Variants in MAPK6 observed in about 807,000 individuals in gnomAD.
MAPK6 encodes ERK-3.
Under a neutral mutation model 59.3 loss-of-function variants are expected in MAPK6, and 19 were observed. The observed-to-expected ratio is 0.32, with a 90% CI of 0.22 to 0.47. MAPK6 has a LOEUF of 0.47. Ranked by LOEUF, MAPK6 falls within the 20% of genes least tolerant of loss-of-function variation. The pLI, the probability that MAPK6 is intolerant of heterozygous loss-of-function variation, is 1.00. For missense variants in MAPK6, 724 were observed against 847.9 expected (o/e 0.85, Z 1.81); for synonymous variants, 316 against 290.3 (o/e 1.09, Z -0.90).
chr15:52,065,710 A>T lies in MAPK6; in HGVS notation c.*710A>T, dbSNP rs1041361374. 3 of 149,700 alleles carry T rather than the reference A, an allele frequency of 2.0e-5. No individual in the cohort carries two copies. Among genetic ancestry groups the T allele is most frequent in the Non-Finnish European group, 4.4e-5 (3 of 67,422 alleles). The allele number at this position is 149,700 out of a possible 1,614,324, so 9.3% of individuals were successfully genotyped here. The stretch of plus-strand genomic sequence containing the variant: ...TATTTTCTGTATTTAATTATAAAAA[A>T]TTAACTTAGTTTTTAAAATTTATTT... On this transcript the variant is annotated 3_prime_UTR_variant, in exon 6 of 6. Transcript: ENST00000261845.
intron 3 of MAPK6, among the ~76,000 whole-genome samples, chr15:52,011,743 G>A (rs926152324): frequency 3.3e-5 from 5 of 152,306 alleles, no homozygotes; most frequent in Non-Finnish European, 5.9e-5. Context: ...CACAAATAAT[G>A]AGAATCCACT....
chr15:52,045,047 C>T (rs2031556518), intron 1 of MAPK6, among the ~76,000 whole-genome samples: 1 of 141,214 alleles, frequency 7.1e-6, no homozygotes, highest in African/African-American at 2.7e-5. Context: ...TTCTAATTTT[C>T]TTTACCAAAA....
intron 3 of MAPK6, among the ~76,000 whole-genome samples, chr15:52,057,694 G>A (rs1374761464): frequency 6.6e-6 from 1 of 152,108 alleles, no homozygotes; most frequent in Non-Finnish European, 1.5e-5. Flanking sequence ...ATAGGCATGC[G>A]CCTTGCCTGG....
chr15:52,038,467 T>A (rs2031313095), intron 1 of MAPK6, among the ~76,000 whole-genome samples: 2 of 152,206 alleles, frequency 1.3e-5, no homozygotes. Flanking sequence ...AGTCTTACTT[T>A]TCTCTGCTAC....
Position 52,066,406 on chromosome 15 carries a change from T to A in MAPK6, c.*1406T>A, listed in dbSNP as rs529063224. 4 of 152,322 alleles carry A rather than the reference T, an allele frequency of 2.6e-5. No homozygotes were observed. In the South Asian group the frequency reaches 6.2e-4, roughly 24 times the overall value. 9.4% of individuals were successfully genotyped at this position (152,322 alleles called of 1,614,324 possible). A position where few individuals can be genotyped will look rare whatever the true frequency, so the allele number is the denominator to read the frequency against. On this transcript the variant is annotated 3_prime_UTR_variant, in exon 6 of 6. Transcript: ENST00000261845. ...TCTTTTGACTTAAACCATCACATAT[T>A]AGAATGGAATAAAGCTTTATAATAT...
chr15:52,031,189 T>C (rs1459943950), intron 1 of MAPK6, among the ~76,000 whole-genome samples: 1 of 152,086 alleles, frequency 6.6e-6, no homozygotes, highest in African/African-American at 2.4e-5. Context: ...CACCTTGTCC[T>C]CCCAATGTGC....
upstream of MAPK6, among the ~76,000 whole-genome samples, chr15:52,016,070 G>GCACACACACACACACACACACACA (rs1175427042): frequency 1.8e-5 from 1 of 55,390 alleles, no homozygotes; most frequent in Non-Finnish European, 3.4e-5. Flanking sequence ...GCGCGCGCGC[G>GCACACACACACACACACACACACA]CACACACACA....
intron 2 of MAPK6, among the ~76,000 whole-genome samples, chr15:52,001,231 C>G (rs1217115141): frequency 1.3e-5 from 2 of 152,160 alleles, no homozygotes; most frequent in Non-Finnish European, 2.9e-5. Flanking sequence ...CACCAAACAG[C>G]CAAACCTACC....
intron 3 of MAPK6, among the ~76,000 whole-genome samples, chr15:52,058,083 G>A (rs2032053332): frequency 6.6e-6 from 1 of 152,194 alleles, no homozygotes; most frequent in Admixed American, 6.5e-5. Context: ...TGTCATCCAT[G>A]CTGGAGTACA....
chr15:52,008,126 C>T (rs756578976), intron 3 of MAPK6, among the ~76,000 whole-genome samples: 6 of 152,100 alleles, frequency 3.9e-5, no homozygotes, highest in African/African-American at 1.2e-4. Flanking sequence ...GGATTACAGA[C>T]GTGAGCCACT....
intron 1 of MAPK6, among the ~76,000 whole-genome samples, chr15:52,043,402 A>G (rs1249885983): frequency 6.6e-6 from 1 of 151,248 alleles, no homozygotes; most frequent in Non-Finnish European, 1.5e-5. Context: ...GGTCCAAGCG[A>G]TTCTCTTGCC....
chr15:52,009,871 C>T (rs1478472371), intron 3 of MAPK6, among the ~76,000 whole-genome samples: 2 of 151,898 alleles, frequency 1.3e-5, no homozygotes, highest in African/African-American at 4.8e-5. Context: ...CTCCTGGGTT[C>T]AAGTGATTCT....
At chr15:51,997,895 A>G (rs1315001158) in intron 2 of MAPK6, among the ~76,000 whole-genome samples, 2 of 149,752 alleles carry the variant, frequency 1.3e-5, no homozygotes, top group Non-Finnish European at 3.0e-5. Context: ...CCCGGCCTTT[A>G]AAGTTATTTT....
Position 52,046,645 on chromosome 15 carries a change from C to G in MAPK6, c.185C>G (p.Ala62Gly). The change falls in exon 2 of 6, where the codon GCT becomes GGT. Residue 62 changes from alanine (A) to glycine (G), a missense_variant. By Grantham distance (60) the Ala-to-Gly change is moderately conservative (BLOSUM62 0). This residue lies in a region of MAPK6 where 87 missense variants were observed against 93.0 expected (regional missense o/e 0.93). Transcript: ENST00000261845. Reference sequence around the variant, plus strand: ...ACTGATCCCCAGAGTGTCAAACATGCTCTACGTGAAATCAAAATTATTAGA... The same window carrying G: ...ACTGATCCCCAGAGTGTCAAACATGGTCTACGTGAAATCAAAATTATTAGA... ...VLTDPQSVKH[A>G]LREIKIIRRL... 6.2e-7 allele frequency: 1 copy of G among 1,614,072 alleles called. No homozygotes were observed. The highest frequency in any genetic ancestry group is 8.5e-7 in the Non-Finnish European group (1 of 1,179,962).
intron 2 of MAPK6, among the ~76,000 whole-genome samples, chr15:52,048,076 T>C (rs2031650236): frequency 1.3e-5 from 2 of 152,206 alleles, no homozygotes; most frequent in African/African-American, 4.8e-5. Flanking sequence ...AGCCCTGCTT[T>C]GTTAGCTTTC....
At position 51,982,691 on chromosome 15, in the gene MAPK6, A is replaced by T. The variant is rs182027739; in HGVS notation, c.-879-515A>T. 1.3e-3 allele frequency among the ~76,000 whole-genome samples: 205 copies of T among 152,274 alleles called. 2 individuals carry two copies. Among genetic ancestry groups the T allele is most frequent in the African/African-American group, 4.5e-3 (189 of 41,544 alleles). ...GTGTTTTTCCCAAGTAAAAAAAAAT[A>T]AAAAAGGTATTTTTCAGACTAGAAA... is the stretch of plus-strand genomic sequence containing the variant. On this transcript the variant is annotated intron_variant, in intron 1 of 7. Transcript: ENST00000691380.
At chr15:51,979,220 AAAG>A (rs1351173553) in intron 1 of MAPK6, among the ~76,000 whole-genome samples, 3 of 118,906 alleles carry the variant, frequency 2.5e-5, no homozygotes, top group Non-Finnish European at 5.4e-5. Context: ...AGAAAGAAAA[AAAG>A]AGAAAGAAAA....
intron 2 of MAPK6, among the ~76,000 whole-genome samples, chr15:51,995,244 C>A (rs988353020): frequency 3.9e-5 from 6 of 152,154 alleles, no homozygotes; most frequent in Admixed American, 3.3e-4. Context: ...CTACAGCGAC[C>A]CTTGGGCATT....
In MAPK6 at chr15:52,065,273, C is replaced by G. The variant is rs2032372050; in HGVS notation, c.*273C>G. On this transcript the variant is annotated 3_prime_UTR_variant, in exon 6 of 6. Coordinates refer to ENST00000261845, the MANE Select transcript of MAPK6 (RefSeq NM_002748.4). ...AAATGCACTAAGACAAGAACATTCT[C>G]TCATAGAACATTGATCTGTTTTACA... 3.3e-6 allele frequency: 1 copy of G among 305,284 alleles called. No homozygotes were observed. Among genetic ancestry groups the G allele is most frequent in the Non-Finnish European group, 6.0e-6 (1 of 166,492 alleles). 18.9% of individuals were successfully genotyped at this position (305,284 alleles called of 1,614,324 possible).
Sources: allele counts gnomAD v4.1 joint callset (sites outside exome capture counted in the v4.1 genomes callset), GRCh38; gene constraint gnomAD v4.1.1; regional missense constraint gnomAD v4.1.1; transcripts MANE v1.5; gene names NCBI Gene and HGNC (gene_info 2026-07-23, HGNC 2026-07-21).